The following STRA8 variants were observed in gnomAD, a reference collection of about 807,000 sequenced individuals.
STRA8 encodes stimulated by retinoic acid 8, also known as stimulated by retinoic acid gene 8 protein homolog.
Under a neutral mutation model 37.1 loss-of-function variants are expected in STRA8, and 18 were observed. The ratio of observed to expected loss-of-function variants is 0.48; its 90% CI spans 0.34 to 0.72. The LOEUF (loss-of-function observed/expected upper bound fraction) is 0.72, where lower values mean the gene tolerates loss of function less well. STRA8 is among the 30% of genes least tolerant of loss of function. The pLI is 0.01. For synonymous variants in STRA8, 168 were observed against 162.9 expected (o/e 1.03, Z -0.24); for missense variants, 357 against 410.4 (o/e 0.87, Z 1.13).
intron 8 of STRA8, 49 bp downstream of exon 8, chr7:135,255,274 A>G (rs1215774705): frequency 6.8e-7 from 1 of 1,460,744 alleles, no homozygotes; most frequent in Non-Finnish European, 9.6e-7. Flanking sequence ...TTGCTTAGAT[A>G]GCAAAAAGGG....
chr7:135,240,490 A>C, intron 1 of STRA8, 29 bp from the exon 2 acceptor site: 1 of 1,097,276 alleles, frequency 9.1e-7, no homozygotes, highest in South Asian at 1.7e-5. Flanking sequence ...TATCTAGGGC[A>C]AAAAAAAAAG....
intron 7 of STRA8, among the ~76,000 whole-genome samples, chr7:135,253,376 A>G (rs2129480013): frequency 6.6e-6 from 1 of 152,268 alleles, no homozygotes; most frequent in East Asian, 1.9e-4. Flanking sequence ...GGAAGAACAC[A>G]ATCCATCGGT....
chr7:135,250,947 A>C (rs913632465), intron 6 of STRA8, among the ~76,000 whole-genome samples: 1 of 152,232 alleles, frequency 6.6e-6, no homozygotes, highest in African/African-American at 2.4e-5. Flanking sequence ...AACTGTCTAA[A>C]TAGCAAGATT....
chr7:135,248,305 A>G (rs545048109), intron 6 of STRA8, among the ~76,000 whole-genome samples: 4 of 152,312 alleles, frequency 2.6e-5, no homozygotes, highest in Non-Finnish European at 5.9e-5. Flanking sequence ...CTGTCATCAC[A>G]CATTTTTTCA....
intron 1 of STRA8, among the ~76,000 whole-genome samples, chr7:135,237,660 G>C (rs1459359173): frequency 6.6e-6 from 1 of 152,154 alleles, no homozygotes; most frequent in Non-Finnish European, 1.5e-5. Flanking sequence ...TTGGGAGGCC[G>C]AGGCAGGCGG....
chr7:135,234,070 G>A (rs292631), intron 1 of STRA8, among the ~76,000 whole-genome samples, 167 bp downstream of exon 1: 56,224 of 151,074 alleles, frequency 0.37, 11,386 homozygotes, highest in East Asian at 0.55. Flanking sequence ...ATTTTTGAGA[G>A]TGATTCTGGA....
At chr7:135,253,920 G>A (rs1356610347) in intron 7 of STRA8, among the ~76,000 whole-genome samples, 1 of 152,198 alleles carries the variant, frequency 6.6e-6, no homozygotes, top group Non-Finnish European at 1.5e-5. Flanking sequence ...GTGCCTGTGA[G>A]GCCTTGGGGC....
intron 2 of STRA8, among the ~76,000 whole-genome samples, chr7:135,241,882 C>T (rs1460021404): frequency 6.6e-6 from 1 of 152,032 alleles, no homozygotes; most frequent in Admixed American, 6.6e-5. Context: ...TGCATGCAGC[C>T]CCTGACAGAT....
At chr7:135,257,866 C>G (rs1461064805) in intron 8 of STRA8, among the ~76,000 whole-genome samples, 2 of 152,236 alleles carry the variant, frequency 1.3e-5, no homozygotes, top group Non-Finnish European at 2.9e-5. Context: ...TACCCTCCCC[C>G]AGAGGCAACT....
chr7:135,237,499 A>G (rs1832394727), intron 1 of STRA8, among the ~76,000 whole-genome samples: 1 of 152,108 alleles, frequency 6.6e-6, no homozygotes, highest in Non-Finnish European at 1.5e-5. Context: ...TCCTCTCCCC[A>G]TCCTAGACAG....
intron 6 of STRA8, among the ~76,000 whole-genome samples, chr7:135,247,393 G>A (rs914310601): frequency 6.6e-6 from 1 of 152,220 alleles, no homozygotes; most frequent in African/African-American, 2.4e-5. Flanking sequence ...GCTCTGCTCA[G>A]TTTCTTATCT....
chr7:135,242,793 A>C lies in STRA8; in HGVS notation c.205A>C (p.Asn69His), dbSNP rs1832486734. 6.2e-7 allele frequency: 1 copy of C among 1,614,048 alleles called. No individual in the cohort carries two copies. The highest frequency in any genetic ancestry group is 1.7e-5 in the Admixed American group (1 of 60,006). ...DLIASKWQVL[N>H]KAKSHIPELE... is the part of the protein sequence containing the mutation. ...TGTCTATCCTCAGTGGCAGGTTCTG[A>C]ATAAGGCAAAGAGTCATATTCCAGA... is the stretch of plus-strand genomic sequence containing the variant. The change falls in exon 3 of 9, where the codon AAT (asparagine) becomes CAT (histidine). Residue 69 changes from asparagine (N) to histidine (H), a missense_variant. Coordinates refer to ENST00000662584, the MANE Select transcript of STRA8 (RefSeq NM_001394401.1).
At chr7:135,232,518 C>G (rs941139338), upstream of STRA8, among the ~76,000 whole-genome samples, 1 of 151,960 alleles carries the variant, frequency 6.6e-6, no homozygotes, top group Non-Finnish European at 1.5e-5. Flanking sequence ...TGGTGCGGGG[C>G]TGTAGTCCCG....
intron 6 of STRA8, 71 bp from the exon 7 acceptor site, chr7:135,251,725 C>G: frequency 6.7e-7 from 1 of 1,501,072 alleles, no homozygotes; most frequent in Non-Finnish European, 9.3e-7. Context: ...CTCATCTCTC[C>G]CCAGCAGCCC....
At chr7:135,250,461 A>G (rs1280081540) in intron 6 of STRA8, among the ~76,000 whole-genome samples, 1 of 152,192 alleles carries the variant, frequency 6.6e-6, no homozygotes, top group Non-Finnish European at 1.5e-5. Context: ...GACCACAGAG[A>G]TATCAAGTAG....
At chr7:135,232,117 G>GGT, upstream of STRA8, 1 of 1,070,858 alleles carries the variant, frequency 9.3e-7, no homozygotes, top group Non-Finnish European at 1.4e-6. Flanking sequence ...TGTGGCAGTG[G>GGT]TTGGGGCGGG....
Position 135,234,138 on chromosome 7 carries a change from C to G in STRA8, c.-7+235C>G, listed in dbSNP as rs898508941. On this transcript the variant is annotated intron_variant, in intron 1 of 8. Transcript: ENST00000662584. ...ATTATCATTTTGAGACGGAGTTTCGCTCTTGTCACCCAGGCTGGAGTGCAA... is the reference window on the plus strand; with the variant it reads ...ATTATCATTTTGAGACGGAGTTTCGGTCTTGTCACCCAGGCTGGAGTGCAA... Among the ~76,000 whole-genome samples, 9 of 151,640 alleles carry G rather than the reference C, an allele frequency of 5.9e-5. No individual in the cohort carries two copies. The East Asian group carries it at 1.7e-3, about 29-fold the overall frequency.
At chr7:135,254,713 G>A (rs557676472) in intron 7 of STRA8, among the ~76,000 whole-genome samples, 47 of 152,314 alleles carry the variant, frequency 3.1e-4, no homozygotes, top group Middle Eastern at 3.4e-3. Flanking sequence ...TGAGTTCCAC[G>A]TTAGACCCAC....
chr7:135,250,725 A>G (rs1832624137), intron 6 of STRA8, among the ~76,000 whole-genome samples: 2 of 152,244 alleles, frequency 1.3e-5, no homozygotes. Flanking sequence ...GTTAAAGTAA[A>G]GCATGCCCAG....
Sources: allele counts gnomAD v4.1 joint callset (sites outside exome capture counted in the v4.1 genomes callset), GRCh38; gene constraint gnomAD v4.1.1; transcripts MANE v1.5; gene names NCBI Gene and HGNC (gene_info 2026-07-23, HGNC 2026-07-21).